The following DCT variants were observed in gnomAD, a reference collection of about 807,000 sequenced individuals.
The protein encoded by DCT is dopachrome tautomerase.
Under a neutral mutation model 53.0 loss-of-function variants are expected in DCT, and 47 were observed. That is an observed-to-expected ratio of 0.89 (90% CI 0.70 to 1.13). DCT has a LOEUF of 1.13. Ranked by LOEUF, DCT falls within the 50% of genes most tolerant of loss-of-function variation. The pLI, the probability that DCT is intolerant of heterozygous loss-of-function variation, is 0.00. For synonymous variants in DCT, 244 were observed against 237.0 expected, an observed-to-expected ratio of 1.03 and a Z score of -0.27; for missense variants, 669 against 637.4, an observed-to-expected ratio of 1.05 and a Z score of -0.53.
chr13:94,483,443 CTTT>C (rs34530396), upstream of DCT, among the ~76,000 whole-genome samples: 1 of 146,158 alleles, frequency 6.8e-6, no homozygotes. Context: ...GCGTTTCTCC[CTTT>C]TTTTTTTTTC....
intron 6 of DCT, among the ~76,000 whole-genome samples, chr13:94,451,095 TG>T (rs1196794107): frequency 6.6e-6 from 1 of 152,128 alleles, no homozygotes; most frequent in Non-Finnish European, 1.5e-5. Flanking sequence ...ACTGCCACCC[TG>T]GGGAACCAGA....
chr13:94,460,484 T>C (rs920931564), intron 5 of DCT, among the ~76,000 whole-genome samples: 1 of 152,228 alleles, frequency 6.6e-6, no homozygotes, highest in Non-Finnish European at 1.5e-5. Flanking sequence ...CTGTCTCTCA[T>C]TCCCTTGGAG....
Position 94,466,555 on chromosome 13 carries a change from T to C in DCT, c.696+3A>G. 6.3e-7 allele frequency: 1 copy of C among 1,592,158 alleles called. No homozygotes were observed. Among genetic ancestry groups the C allele is most frequent in the Non-Finnish European group, 8.6e-7 (1 of 1,168,644 alleles). On this transcript the variant is annotated splice_donor_region_variant and intron_variant, in intron 3 of 7. Coordinates refer to ENST00000377028, the MANE Select transcript of DCT (RefSeq NM_001922.5). ...AAGAACTAAATGCATAGTTTTGACC[T>C]ACCTGGAGATCTCTTTCCAGACACA... is the stretch of plus-strand genomic sequence containing the variant.
chr13:94,491,261 C>T, the DCT span, among the ~76,000 whole-genome samples: 6 of 152,142 alleles, frequency 3.9e-5, no homozygotes, highest in Admixed American at 3.3e-4. Flanking sequence ...GTGATAGGGG[C>T]GGATCTTTTC....
At chr13:94,510,946 A>T in the DCT span, among the ~76,000 whole-genome samples, 1 of 152,014 alleles carries the variant, frequency 6.6e-6, no homozygotes, top group Non-Finnish European at 1.5e-5. Flanking sequence ...TGCACATTCT[A>T]CTTCCTAAAT....
chr13:94,493,567 G>C, the DCT span, among the ~76,000 whole-genome samples: 1 of 152,180 alleles, frequency 6.6e-6, no homozygotes, highest in Non-Finnish European at 1.5e-5. Flanking sequence ...TTATACATCA[G>C]TTATACCTCA....
At chr13:94,512,870 G>A in the DCT span, among the ~76,000 whole-genome samples, 2 of 152,340 alleles carry the variant, frequency 1.3e-5, no homozygotes, top group African/African-American at 2.4e-5. Context: ...AGAGTAGGAA[G>A]AGATTAGTGT....
intron 6 of DCT, among the ~76,000 whole-genome samples, chr13:94,453,928 CT>C (rs1179667263): frequency 1.3e-5 from 2 of 152,150 alleles, no homozygotes; most frequent in South Asian, 2.1e-4. Flanking sequence ...ACCTATCCTT[CT>C]TTTTTTAAAT....
At position 94,468,894 on chromosome 13, in the gene DCT, C is replaced by G. The variant is rs1479458350; in HGVS notation, c.447G>C (p.Lys149Asn). 1.9e-6 allele frequency: 3 copies of G among 1,614,170 alleles called. No individual in the cohort carries two copies. In the Admixed American group the frequency reaches 5.0e-5, roughly 27 times the overall value. ...EQFLGALDLA[K>N]KRVHPDYVIT... ...TCACGTAGTCGGGGTGTACTCTCTT[C>G]TTCGCGAGATCTAAGGCGCCCAAGA... The change falls in exon 2 of 8, where the codon AAG (lysine) becomes AAC (asparagine). Residue 149 changes from lysine (K) to asparagine (N), a missense_variant. Transcript: ENST00000377028.
chr13:94,451,713 T>C (rs957281463), intron 6 of DCT, among the ~76,000 whole-genome samples: 1 of 152,204 alleles, frequency 6.6e-6, no homozygotes, highest in Non-Finnish European at 1.5e-5. Flanking sequence ...ATCTACTAAG[T>C]GTCAGGTACT....
At chr13:94,459,491 G>A (rs1366437625) in intron 6 of DCT, among the ~76,000 whole-genome samples, 1 of 152,202 alleles carries the variant, frequency 6.6e-6, no homozygotes, top group African/African-American at 2.4e-5. Flanking sequence ...CAGTTATGGA[G>A]TAGTCTTGTT....
the DCT span, among the ~76,000 whole-genome samples, chr13:94,518,147 AAGGAAGGAATGAAGGAAGG>A: frequency 1.4e-3 from 210 of 145,546 alleles, 1 homozygote; most frequent in African/African-American, 5.5e-3. Context: ...GGAAGGAAGG[AAGGAAGGAATGAAGGAAGG>A]AAGGAAGAAA....
intron 1 of DCT, among the ~76,000 whole-genome samples, chr13:94,470,276 G>A (rs1053890997): frequency 6.6e-6 from 1 of 152,192 alleles, no homozygotes; most frequent in African/African-American, 2.4e-5. Context: ...TAGCCATGAT[G>A]TCAGGAAGTA....
At chr13:94,448,620 G>A (rs1365835211) in intron 6 of DCT, among the ~76,000 whole-genome samples, 3 of 152,010 alleles carry the variant, frequency 2.0e-5, no homozygotes, top group Non-Finnish European at 2.9e-5. Context: ...GTGTATCATT[G>A]GGCTGGGCAT....
In DCT at chr13:94,439,964, A is replaced by C; in HGVS notation, c.1494T>G (p.Leu498=). The part of the protein sequence containing the change: ...VLLAFLQYRR[L]RKGYTPLMET... ...CCATTAGGGGTGTATATCCTTTTCGAAGTCTTCTATATTGAAGAAAAGCCA... is the reference window on the plus strand; with the variant it reads ...CCATTAGGGGTGTATATCCTTTTCGCAGTCTTCTATATTGAAGAAAAGCCA... Residue 498 remains leucine, a synonymous_variant, in exon 8 of 8, where the codon CTT becomes CTG. Coordinates refer to ENST00000377028, the MANE Select transcript of DCT (RefSeq NM_001922.5). 1 of 1,613,968 alleles carries C rather than the reference A, an allele frequency of 6.2e-7. No homozygotes were observed. The highest frequency in any genetic ancestry group is 8.5e-7 in the Non-Finnish European group (1 of 1,179,888).
rs565776187 is a variant in DCT, at chr13:94,465,171, G to A, written c.863+462C>T. Among the ~76,000 whole-genome samples, 376 of 152,178 alleles carry A rather than the reference G, an allele frequency of 2.5e-3. 1 individual carries two copies. The highest frequency in any genetic ancestry group is 8.2e-3 in the African/African-American group (340 of 41,518). ...AATTTACTTACAAGAAATCTATCTCGTTAATACAAGACAATATTCAAAAGG... is the reference window on the plus strand; with the variant it reads ...AATTTACTTACAAGAAATCTATCTCATTAATACAAGACAATATTCAAAAGG... On this transcript the variant is annotated intron_variant, in intron 4 of 7. Coordinates refer to ENST00000377028, the MANE Select transcript of DCT (RefSeq NM_001922.5).
At chr13:94,537,175 G>A in the DCT span, among the ~76,000 whole-genome samples, 347 of 152,304 alleles carry the variant, frequency 2.3e-3, 1 homozygote, top group Non-Finnish European at 4.0e-3. Context: ...CCATTATTAG[G>A]ACATGTATCT....
chr13:94,453,666 GGGGT>G (rs774508542), intron 6 of DCT, among the ~76,000 whole-genome samples: 45 of 152,280 alleles, frequency 3.0e-4, no homozygotes, highest in Non-Finnish European at 5.6e-4. Context: ...TTGAATCATG[GGGGT>G]GGGTCTTTCC....
chr13:94,497,202 A>C, the DCT span, among the ~76,000 whole-genome samples: 1 of 152,200 alleles, frequency 6.6e-6, no homozygotes, highest in Non-Finnish European at 1.5e-5. Context: ...GCCTGAATAG[A>C]TCAAAGAATG....
Sources: gnomAD v4.1 joint callset for allele counts (sites outside exome capture counted in the v4.1 genomes callset) on GRCh38, gnomAD v4.1.1 for gene constraint, MANE v1.5 for transcripts, NCBI Gene and HGNC (gene_info 2026-07-23, HGNC 2026-07-21) for gene names.